The following KCTD20 variants were observed in gnomAD, a reference collection of about 807,000 sequenced individuals.
KCTD20 encodes the protein potassium channel tetramerization domain containing 20.
A neutral mutation model predicts 39.6 loss-of-function variants in KCTD20; 30 were observed. The observed-to-expected ratio is 0.76, with a 90% CI of 0.57 to 1.03. The LOEUF (loss-of-function observed/expected upper bound fraction) is 1.03. KCTD20 is among the 50% of genes least tolerant of loss of function. KCTD20 has a pLI of 0.00. For synonymous variants in KCTD20, 162 were observed against 180.6 expected, an observed-to-expected ratio of 0.90 and a Z score of 0.83; for missense variants, 422 against 522.0, an observed-to-expected ratio of 0.81 and a Z score of 1.87.
intron 1 of KCTD20, among the ~76,000 whole-genome samples, chr6:36,461,940 T>C (rs897006250): frequency 1.9e-4 from 29 of 152,206 alleles, no homozygotes; most frequent in African/African-American, 6.8e-4. Flanking sequence ...TGTAATGCCT[T>C]CTTCTCTCCT....
intron 1 of KCTD20, among the ~76,000 whole-genome samples, chr6:36,450,360 T>G (rs1335465613): frequency 6.6e-6 from 1 of 150,772 alleles, no homozygotes; most frequent in East Asian, 2.0e-4. Flanking sequence ...CGATGGCACG[T>G]GCTTGTAATC....
chr6:36,452,909 G>T (rs922748938), intron 1 of KCTD20, among the ~76,000 whole-genome samples: 1 of 150,306 alleles, frequency 6.7e-6, no homozygotes, highest in Non-Finnish European at 1.5e-5. Context: ...AAAGTATAGA[G>T]TTGAGTGGTT....
At chr6:36,448,516 A>G (rs1319367281) in intron 1 of KCTD20, among the ~76,000 whole-genome samples, 1 of 152,176 alleles carries the variant, frequency 6.6e-6, no homozygotes, top group Non-Finnish European at 1.5e-5. Context: ...TAATTTTTGC[A>G]GTTGTATCTG....
intron 1 of KCTD20, among the ~76,000 whole-genome samples, chr6:36,461,639 G>A (rs926074796): frequency 2.0e-5 from 3 of 152,100 alleles, no homozygotes; most frequent in African/African-American, 7.2e-5. Flanking sequence ...GTGCACAAAA[G>A]CTGTCTTTCA....
At chr6:36,474,482 C>T (rs990435012) in intron 2 of KCTD20, among the ~76,000 whole-genome samples, 1 of 152,232 alleles carries the variant, frequency 6.6e-6, no homozygotes, top group South Asian at 2.1e-4. Flanking sequence ...TTCTTCTCTA[C>T]TGTTTTTCTT....
chr6:36,449,391 T>C (rs1462305612), intron 1 of KCTD20, among the ~76,000 whole-genome samples: 2 of 151,904 alleles, frequency 1.3e-5, no homozygotes, highest in African/African-American at 4.8e-5. Flanking sequence ...AGAGCGCTGA[T>C]TGATAGACAC....
At chr6:36,482,316 G>A (rs1299404440) in intron 6 of KCTD20, among the ~76,000 whole-genome samples, 1 of 152,142 alleles carries the variant, frequency 6.6e-6, no homozygotes, top group African/African-American at 2.4e-5. Context: ...CACTTTGGGA[G>A]GCCGAGGCAG....
Position 36,486,908 on chromosome 6 carries a change from TAAGAG to T in KCTD20, c.997_1001del (p.Arg333AlafsTer6). 1 of 1,612,738 alleles carries T rather than the reference TAAGAG, an allele frequency of 6.2e-7. No individual in the cohort carries two copies. Among genetic ancestry groups the T allele is most frequent in the South Asian group, 1.1e-5 (1 of 90,906 alleles). ...GTTACCCTACCTGTAAAGAAAAAAT[TAAGAG>T]AAGGCCTGGCGGCCGGTCTGAAGTC... On this transcript the variant is annotated frameshift_variant, in exon 8 of 8. Coordinates refer to ENST00000373731, the MANE Select transcript of KCTD20 (RefSeq NM_173562.5). LOFTEE classifies it high-confidence loss of function.
chr6:36,443,133 T>G (rs1201739417), intron 1 of KCTD20, 22 bp downstream of exon 1: 1 of 151,526 alleles, frequency 6.6e-6, no homozygotes, highest in Admixed American at 6.6e-5. Context: ...CGCGGTACGG[T>G]TTCGGGCGCG....
intron 1 of KCTD20, among the ~76,000 whole-genome samples, chr6:36,450,739 A>G (rs555717671): frequency 2.0e-5 from 3 of 152,298 alleles, no homozygotes; most frequent in South Asian, 2.1e-4. Flanking sequence ...TATTCCATAC[A>G]TTAACTTAAA....
At chr6:36,477,566 T>C (rs541126136) in intron 3 of KCTD20, among the ~76,000 whole-genome samples, 368 of 150,274 alleles carry the variant, frequency 2.4e-3, no homozygotes, top group African/African-American at 4.5e-3. Flanking sequence ...CTGCAAGCTC[T>C]GCCTCCCGGG....
chr6:36,448,680 G>A (rs1244212547), intron 1 of KCTD20, among the ~76,000 whole-genome samples: 1 of 152,154 alleles, frequency 6.6e-6, no homozygotes. Context: ...ACTTGTAGAT[G>A]GCCATTTTCT....
At chr6:36,443,881 G>A (rs1774952698) in intron 1 of KCTD20, among the ~76,000 whole-genome samples, 1 of 152,208 alleles carries the variant, frequency 6.6e-6, no homozygotes, top group Non-Finnish European at 1.5e-5. Flanking sequence ...TGAAGGAACT[G>A]TTTAACCAGC....
intron 3 of KCTD20, among the ~76,000 whole-genome samples, chr6:36,477,774 A>T (rs990861242): frequency 7.2e-6 from 1 of 138,912 alleles, no homozygotes; most frequent in Non-Finnish European, 1.6e-5. Flanking sequence ...GTGAGCCACC[A>T]CACCCGGCCG....
intron 3 of KCTD20, 70 bp from the exon 4 acceptor site, chr6:36,479,051 A>G: frequency 9.9e-7 from 1 of 1,014,112 alleles, no homozygotes; most frequent in South Asian, 1.4e-5. Flanking sequence ...AATGAGGTGG[A>G]GAAGGGAGAA....
At position 36,470,692 on chromosome 6, in the gene KCTD20, C is replaced by T. The variant is rs143621823; in HGVS notation, c.160+435C>T. Among the ~76,000 whole-genome samples the T allele has an allele frequency of 6.2e-3, 945 of 152,204 alleles. 12 individuals are homozygous for T. The highest frequency in any genetic ancestry group is 0.022 in the African/African-American group (907 of 41,526). On this transcript the variant is annotated intron_variant, in intron 2 of 7. Transcript: ENST00000373731. ...TCTTGGCTCACTGCAGCTCTGCCTC[C>T]CAGGCTCAAGTGAGCCTCTCACCTC...
chr6:36,471,936 C>T (rs1197610221), intron 2 of KCTD20, among the ~76,000 whole-genome samples: 2 of 151,902 alleles, frequency 1.3e-5, no homozygotes, highest in African/African-American at 4.8e-5. Flanking sequence ...GCAAGCTCCG[C>T]CTCCCGGGTT....
At chr6:36,459,363 A>G (rs779814273) in intron 1 of KCTD20, among the ~76,000 whole-genome samples, 2 of 152,232 alleles carry the variant, frequency 1.3e-5, no homozygotes, top group Non-Finnish European at 2.9e-5. Context: ...GCCCTTCCCA[A>G]GGAAGCCTTA....
chr6:36,458,915 G>A (rs1775520185), intron 1 of KCTD20, among the ~76,000 whole-genome samples: 2 of 151,952 alleles, frequency 1.3e-5, no homozygotes, highest in Admixed American at 1.3e-4. Flanking sequence ...TGAAGTGGGA[G>A]GATTGCTTGA....
Sources: allele counts gnomAD v4.1 joint callset (sites outside exome capture counted in the v4.1 genomes callset), GRCh38; gene constraint gnomAD v4.1.1; transcripts MANE v1.5; gene names NCBI Gene and HGNC (gene_info 2026-07-23, HGNC 2026-07-21).